Variants in ANKRD33B observed in about 807,000 individuals in gnomAD.
The protein encoded by ANKRD33B is ankyrin repeat domain 33B.
A neutral mutation model predicts 21.5 loss-of-function variants in ANKRD33B; 6 were observed. The observed-to-expected ratio is 0.28, with a 90% CI of 0.15 to 0.55. The LOEUF is 0.55. Ranked by LOEUF, ANKRD33B falls within the 20% of genes least tolerant of loss-of-function variation. The pLI is 0.94. For missense variants in ANKRD33B, 698 were observed against 747.2 expected, an observed-to-expected ratio of 0.93 and a Z score of 0.77; for synonymous variants, 347 against 342.4, an observed-to-expected ratio of 1.01 and a Z score of -0.15.
intron 2 of ANKRD33B, among the ~76,000 whole-genome samples, chr5:10,631,820 C>T (rs1450131274): frequency 6.6e-6 from 1 of 152,180 alleles, no homozygotes; most frequent in Non-Finnish European, 1.5e-5. Context: ...ACATGAAAAC[C>T]CTCACTGCGC....
chr5:10,625,083 G>A (rs1447319275), intron 2 of ANKRD33B: 1 of 260,056 alleles, frequency 3.8e-6, no homozygotes, highest in East Asian at 9.9e-5. Context: ...CAGACACAGA[G>A]GCATCACGGA....
intron 1 of ANKRD33B, among the ~76,000 whole-genome samples, chr5:10,616,478 C>T (rs1297091849): frequency 1.4e-5 from 2 of 148,134 alleles, no homozygotes; most frequent in Non-Finnish European, 3.0e-5. Context: ...GCAGGAGAAT[C>T]GCTTGAACCC....
At chr5:10,584,225 A>G (rs1250598718) in intron 1 of ANKRD33B, among the ~76,000 whole-genome samples, 4 of 152,208 alleles carry the variant, frequency 2.6e-5, no homozygotes, top group African/African-American at 9.6e-5. Context: ...TCAAGCAGGC[A>G]CTTTCTCTGT....
chr5:10,610,411 C>G (rs564953018), intron 1 of ANKRD33B, among the ~76,000 whole-genome samples: 3 of 151,844 alleles, frequency 2.0e-5, no homozygotes, highest in Non-Finnish European at 4.4e-5. Context: ...GCCCCCCCCC[C>G]GAATAAAGAA....
chr5:10,590,616 G>T (rs1471506403), intron 1 of ANKRD33B, among the ~76,000 whole-genome samples: 1 of 152,140 alleles, frequency 6.6e-6, no homozygotes, highest in South Asian at 2.1e-4. Flanking sequence ...GCGTGTGTGT[G>T]TGTGTGTGTG....
At chr5:10,640,055 A>T (rs1166474264) in intron 3 of ANKRD33B, among the ~76,000 whole-genome samples, 7 of 96,402 alleles carry the variant, frequency 7.3e-5, no homozygotes, top group Non-Finnish European at 1.2e-4. Context: ...TTGCACGGTG[A>T]TGTTAGGCGG....
At chr5:10,582,001 G>C (rs1316373786) in intron 1 of ANKRD33B, among the ~76,000 whole-genome samples, 1 of 152,202 alleles carries the variant, frequency 6.6e-6, no homozygotes, top group African/African-American at 2.4e-5. Flanking sequence ...GCCTCCTCAG[G>C]CTCACGCAGC....
At chr5:10,613,618 G>C (rs1165009483) in intron 1 of ANKRD33B, among the ~76,000 whole-genome samples, 1 of 152,090 alleles carries the variant, frequency 6.6e-6, no homozygotes, top group African/African-American at 2.4e-5. Context: ...TAACTGCACA[G>C]AATCATATGG....
chr5:10,638,353 GT>G (rs1736924957), intron 3 of ANKRD33B, among the ~76,000 whole-genome samples, 185 bp downstream of exon 3: 1 of 152,202 alleles, frequency 6.6e-6, no homozygotes, highest in Non-Finnish European at 1.5e-5. Context: ...CACAGCATTG[GT>G]TCCCTTCAGG....
At position 10,650,916 on chromosome 5, in the gene ANKRD33B, A is replaced by G. The variant is rs1000152131; in HGVS notation, c.*803A>G. 6.6e-6 allele frequency: 1 copy of G among 152,394 alleles called. No individual in the cohort carries two copies. Among genetic ancestry groups the G allele is most frequent in the Non-Finnish European group, 1.5e-5 (1 of 68,042 alleles). The allele number at this position is 152,394 out of a possible 1,614,324, so 9.4% of individuals were successfully genotyped here. A position where few individuals can be genotyped will look rare whatever the true frequency, so the allele number is the denominator to read the frequency against. On this transcript the variant is annotated 3_prime_UTR_variant, in exon 4 of 4. Transcript: ENST00000296657. The stretch of plus-strand genomic sequence containing the variant: ...GTAAACTGGATACGAAATCTTTAAC[A>G]TTAAAAATAGATATGAGAAAAAAAC...
In ANKRD33B at chr5:10,564,462, G is replaced by A. The variant is rs13190439; in HGVS notation, c.-6G>A. 1 of 1,166,512 alleles carries A rather than the reference G, an allele frequency of 8.6e-7. No homozygotes were observed. Among genetic ancestry groups the A allele is most frequent in the Non-Finnish European group, 1.1e-6 (1 of 946,874 alleles). The allele number at this position is 1,166,512 out of a possible 1,614,324, so 72.3% of individuals were successfully genotyped here. ...CCGGCCCCCGGCCCGCGCCCCGGCC[G>A]CCGGCATGGTGCTGCTGGCCGGGAC... On this transcript the variant is annotated 5_prime_UTR_variant, in exon 1 of 4. Transcript: ENST00000296657.
intron 3 of ANKRD33B, among the ~76,000 whole-genome samples, chr5:10,638,569 G>C (rs1736930635): frequency 6.6e-6 from 1 of 152,254 alleles, no homozygotes; most frequent in African/African-American, 2.4e-5. Flanking sequence ...GGCCATCCTA[G>C]GTCACTGCTT....
intron 1 of ANKRD33B, among the ~76,000 whole-genome samples, chr5:10,612,564 G>T (rs980039228): frequency 3.3e-5 from 5 of 152,258 alleles, no homozygotes; most frequent in Non-Finnish European, 4.4e-5. Context: ...GAACATTTGA[G>T]TCAGTCTTCA....
At chr5:10,601,719 G>A (rs1378125018) in intron 1 of ANKRD33B, among the ~76,000 whole-genome samples, 2 of 152,224 alleles carry the variant, frequency 1.3e-5, no homozygotes, top group African/African-American at 2.4e-5. Flanking sequence ...TCCTCCCTGC[G>A]GGGCATGCTC....
At chr5:10,609,034 C>T (rs749808628) in intron 1 of ANKRD33B, among the ~76,000 whole-genome samples, 4 of 152,214 alleles carry the variant, frequency 2.6e-5, no homozygotes, top group Non-Finnish European at 5.9e-5. Flanking sequence ...GGCTGTATTG[C>T]CCAGTAGTGT....
At chr5:10,623,343 T>C (rs1330129980) in intron 2 of ANKRD33B, among the ~76,000 whole-genome samples, 2 of 152,166 alleles carry the variant, frequency 1.3e-5, no homozygotes, top group Non-Finnish European at 2.9e-5. Context: ...CCTGCCATCT[T>C]CCTTAAGGAA....
intron 2 of ANKRD33B, among the ~76,000 whole-genome samples, chr5:10,629,412 G>A (rs192620422): frequency 9.1e-4 from 139 of 152,304 alleles, no homozygotes; most frequent in African/African-American, 3.1e-3. Flanking sequence ...GGTGAGGGAG[G>A]ATGTGGAGGG....
intron 1 of ANKRD33B, among the ~76,000 whole-genome samples, chr5:10,613,990 CGTGTGTGTGT>C (rs59864065): frequency 1.5e-4 from 21 of 141,384 alleles, no homozygotes; most frequent in East Asian, 4.1e-4. Context: ...CCAGAGAAAT[CGTGTGTGTGT>C]GTGTGTGTGT....
Position 10,653,298 on chromosome 5 carries a change from A to G in ANKRD33B, c.*3185A>G, listed in dbSNP as rs925641389. On this transcript the variant is annotated 3_prime_UTR_variant, in exon 4 of 4. Coordinates refer to ENST00000296657, the MANE Select transcript of ANKRD33B (RefSeq NM_001164440.2). ...TGCTAGTAGAGGAATTTTCCAAGTC[A>G]AGGGAAGTGTTGCCAAACCTCTTGC... The G allele has an allele frequency of 5.2e-5, 8 of 152,482 alleles. No homozygotes were observed. Among genetic ancestry groups the G allele is most frequent in the African/African-American group, 1.9e-4 (8 of 41,456 alleles). 9.4% of individuals were successfully genotyped at this position (152,482 alleles called of 1,614,324 possible).
Sources: allele counts gnomAD v4.1 joint callset (sites outside exome capture counted in the v4.1 genomes callset), GRCh38; gene constraint gnomAD v4.1.1; transcripts MANE v1.5; gene names NCBI Gene and HGNC (gene_info 2026-07-23, HGNC 2026-07-21).